SPOCD1: variants seen among roughly 807,000 people sequenced by gnomAD.
The protein encoded by SPOCD1 is SPOC domain-containing protein 1.
SPOCD1 carries 64 observed loss-of-function variants against 92.2 expected under a neutral mutation model. That is an observed-to-expected ratio of 0.69 (90% confidence interval 0.57 to 0.86). The LOEUF is 0.86. Among genes scored for constraint, SPOCD1 ranks in the 40% least tolerant of loss-of-function variants. The pLI, the probability that SPOCD1 is intolerant of heterozygous loss-of-function variation, is 0.00. For synonymous variants in SPOCD1, 578 were observed against 619.3 expected, an observed-to-expected ratio of 0.93 and a Z score of 0.99; for missense variants, 1,360 against 1,543.1, an observed-to-expected ratio of 0.88 and a Z score of 1.99.
At chr1:31,796,747 A>G (rs1557819214) in intron 9 of SPOCD1, 32 bp from the exon 10 acceptor site, 1 of 1,613,438 alleles carries the variant, frequency 6.2e-7, no homozygotes, top group African/African-American at 1.3e-5. Flanking sequence ...AGCTGAGCCC[A>G]GTTAGGGGGC....
rs1268788673 is a variant in SPOCD1 at position 31,800,498 on chromosome 1, A to G, written c.1545T>C (p.Pro515=). The G allele has an allele frequency of 6.2e-7, 1 of 1,612,434 alleles. No homozygotes were observed. The highest frequency in any genetic ancestry group is 8.5e-7 in the Non-Finnish European group (1 of 1,179,268). The change falls in exon 4 of 16, where the codon CCT becomes CCC. Residue 515 remains proline (P), a synonymous_variant. Transcript: ENST00000360482. ...TTTTCTTCCTTCTGAGCCTCTGGGC[A>G]GGTGAGGGTGAGCTGACCTCCATCA... ...EDLMEVSSPS[P]AQRLRRKKRP... is the part of the protein sequence containing the mutation.
At chr1:31,809,624 C>T (rs1043549256) in intron 2 of SPOCD1, among the ~76,000 whole-genome samples, 1 of 152,108 alleles carries the variant, frequency 6.6e-6, no homozygotes, top group Non-Finnish European at 1.5e-5. Flanking sequence ...GGTGCCAACA[C>T]TTAGGAACTG....
intron 2 of SPOCD1, among the ~76,000 whole-genome samples, chr1:31,807,840 G>A (rs1424158199): frequency 6.6e-6 from 1 of 152,074 alleles, no homozygotes; most frequent in Non-Finnish European, 1.5e-5. Context: ...AAGATAAGAG[G>A]CTATTGTGAA....
chr1:31,794,835 C>T (rs1210434147), intron 10 of SPOCD1: 1 of 152,198 alleles, frequency 6.6e-6, no homozygotes, highest in Admixed American at 6.5e-5. Flanking sequence ...TTTCTATACA[C>T]AGGGTTTGGG....
intron 10 of SPOCD1, chr1:31,796,178 C>A (rs1211914477): frequency 6.9e-6 from 2 of 290,630 alleles, no homozygotes; most frequent in Non-Finnish European, 1.4e-5. Flanking sequence ...TGGTTCCCTG[C>A]CTGGAGCATC....
chr1:31,792,252 C>T lies in SPOCD1; in HGVS notation c.2925G>A (p.Gln975=), dbSNP rs767349573. The T allele has an allele frequency of 3.1e-6, 5 of 1,612,096 alleles. No homozygotes were observed. The South Asian group carries it at 3.3e-5, about 11-fold the overall frequency. Residue 975 remains glutamine, a synonymous_variant, in exon 15 of 16, where the codon CAG becomes CAA. Transcript: ENST00000360482. The stretch of plus-strand genomic sequence containing the variant: ...AAGGGCGCAGCCTGGTGGGCAGGGG[C>T]TGGAAGGCAGGCAGGGGCAGCAGGA... ...GMVLLPLPAF[Q]PLPTRLRPLG...
rs115098063 is a variant in SPOCD1 at position 31,799,022 on chromosome 1, T to C, written c.1868+379A>G. ...TGTCATCTGTCATTGACTTGCTGTG[T>C]GGCCTTTGCAAAGTCCAACCCTCTC... On this transcript the variant is annotated intron_variant, in intron 7 of 15. Coordinates refer to ENST00000360482, the MANE Select transcript of SPOCD1 (RefSeq NM_144569.7). Among the ~76,000 whole-genome samples the C allele has an allele frequency of 3.3e-3, 495 of 152,258 alleles. 4 individuals carry two copies. Among genetic ancestry groups the C allele is most frequent in the African/African-American group, 0.011 (467 of 41,544 alleles).
chr1:31,814,148 C>A lies in SPOCD1; in HGVS notation c.1186G>T (p.Gly396Cys). Residue 396 changes from glycine (G) to cysteine (C), a missense_variant, in exon 2 of 16, where the codon GGC becomes TGC. By Grantham distance (159) the Gly-to-Cys change is radical. Coordinates refer to ENST00000360482, the MANE Select transcript of SPOCD1 (RefSeq NM_144569.7). The surrounding 1 kb of genome is among the most constrained non-coding windows in gnomAD (Gnocchi z 4.2). ...TCAGTATCCAGGGAGGAGCTGAGGC[C>A]GCCCAAGGGCTCCCGGGAGCTGGCA... Reference protein sequence around the residue: ...TCASSREPLGGLSSSLDTEAS... With the variant: ...TCASSREPLGCLSSSLDTEAS... 1 of 1,586,466 alleles carries A rather than the reference C, an allele frequency of 6.3e-7. No homozygotes were observed.
At chr1:31,812,304 C>T (rs970414628) in intron 2 of SPOCD1, among the ~76,000 whole-genome samples, 4 of 152,164 alleles carry the variant, frequency 2.6e-5, no homozygotes, top group African/African-American at 9.7e-5. Flanking sequence ...CCTCACTACA[C>T]TACAGTGGTT....
intron 2 of SPOCD1, among the ~76,000 whole-genome samples, chr1:31,811,246 G>A (rs935036978): frequency 3.9e-5 from 6 of 152,088 alleles, no homozygotes; most frequent in African/African-American, 7.2e-5. Context: ...CCGACGCAGC[G>A]GATCACCTGA....
At chr1:31,813,355 C>T (rs1043489740) in intron 2 of SPOCD1, among the ~76,000 whole-genome samples, 9 of 152,226 alleles carry the variant, frequency 5.9e-5, no homozygotes, top group Non-Finnish European at 1.3e-4. Flanking sequence ...GCAACCTCTG[C>T]TTCCCAGGTT....
In SPOCD1 at chr1:31,792,309, G is replaced by C. The variant is rs149242777; in HGVS notation, c.2868C>G (p.His956Gln). ...CCATGTGCTCCACAGAGGCCAGCCCGTGGCGCTGCCTATCATTGAGGTATG... is the reference window on the plus strand; with the variant it reads ...CCATGTGCTCCACAGAGGCCAGCCCCTGGCGCTGCCTATCATTGAGGTATG... ...LYSYLNDRQR[H>Q]GLASVEHMGM... is the part of the protein sequence containing the mutation. Residue 956 changes from histidine (H) to glutamine (Q), a missense_variant, in exon 15 of 16, where the codon CAC becomes CAG. Physicochemically the swap from His to Gln is conservative, Grantham distance 24. Coordinates refer to ENST00000360482, the MANE Select transcript of SPOCD1 (RefSeq NM_144569.7). The C allele has an allele frequency of 1.4e-5, 22 of 1,613,852 alleles. No individual in the cohort carries two copies. The highest frequency in any genetic ancestry group is 1.8e-5 in the Non-Finnish European group (21 of 1,180,014).
At chr1:31,792,155 T>TG (rs1466561462) in intron 15 of SPOCD1, 60 bp downstream of exon 15, 1 of 1,536,464 alleles carries the variant, frequency 6.5e-7, no homozygotes, top group African/African-American at 1.4e-5. Context: ...GTGTCAACCG[T>TG]GCCTGGTCTG....
At chr1:31,815,623 A>G in intron 1 of SPOCD1, 1 of 343,774 alleles carries the variant, frequency 2.9e-6, no homozygotes, top group Non-Finnish European at 5.2e-6. Flanking sequence ...CTGAGAGTTC[A>G]CACATTCGCT....
Position 31,790,825 on chromosome 1 carries a change from G to C in SPOCD1, c.3429C>G (p.Ser1143=). 3 of 1,539,384 alleles carry C rather than the reference G, an allele frequency of 1.9e-6. No homozygotes were observed. Among genetic ancestry groups the C allele is most frequent in the Admixed American group, 2.0e-5 (1 of 49,534 alleles). ...FGRGQHFHRD[S]CPHQALLRHL... is the part of the protein sequence containing the mutation. ...GCCGGAGCAGGGCTTGGTGGGGACA[G>C]GAGTCCCTGTGGAAGTGCTGGCCAC... The change falls in exon 16 of 16, where the codon TCC becomes TCG. Residue 1143 remains serine, a synonymous_variant. Transcript: ENST00000360482.
chr1:31,809,527 C>A (rs201471496), intron 2 of SPOCD1, among the ~76,000 whole-genome samples: 28 of 144,644 alleles, frequency 1.9e-4, no homozygotes, highest in Admixed American at 3.4e-4. Context: ...ATGTAGTAGC[C>A]AAAAAAAAAA....
At chr1:31,807,117 G>A (rs1648872302) in intron 2 of SPOCD1, among the ~76,000 whole-genome samples, 1 of 150,900 alleles carries the variant, frequency 6.6e-6, no homozygotes, top group South Asian at 2.1e-4. Flanking sequence ...GCCAGGCGTG[G>A]TGGCTCACGC....
intron 2 of SPOCD1, among the ~76,000 whole-genome samples, chr1:31,802,889 G>T (rs1393612174): frequency 6.6e-6 from 1 of 152,044 alleles, no homozygotes; most frequent in African/African-American, 2.4e-5. Flanking sequence ...TCTAACCCAG[G>T]CTGCCAGTAG....
chr1:31,810,055 G>A (rs1195550773), intron 2 of SPOCD1, among the ~76,000 whole-genome samples: 2 of 152,076 alleles, frequency 1.3e-5, no homozygotes, highest in Non-Finnish European at 2.9e-5. Context: ...CCTAGACCCA[G>A]TTTAGACAGC....
Sources: allele counts gnomAD v4.1 joint callset (sites outside exome capture counted in the v4.1 genomes callset), GRCh38; gene constraint gnomAD v4.1.1; non-coding constraint Gnocchi (gnomAD v3.1); transcripts MANE v1.5; gene names NCBI Gene and HGNC (gene_info 2026-07-23, HGNC 2026-07-21).